The following THRB variants were observed in gnomAD, a reference collection of about 807,000 sequenced individuals.
THRB encodes thyroid hormone receptor beta.
Under a neutral mutation model 47.8 loss-of-function variants are expected in THRB, and 12 were observed. The ratio of observed to expected loss-of-function variants is 0.25; its 90% CI spans 0.16 to 0.41. The LOEUF is 0.41. Among genes scored for constraint, THRB ranks in the 10% least tolerant of loss-of-function variants. THRB has a pLI of 1.00. For synonymous variants in THRB, 218 were observed against 212.2 expected, an observed-to-expected ratio of 1.03 and a Z score of -0.24; for missense variants, 348 against 589.2, an observed-to-expected ratio of 0.59 and a Z score of 4.24.
At chr3:24,200,778 A>G (rs1157973970) in intron 4 of THRB, among the ~76,000 whole-genome samples, 1 of 152,250 alleles carries the variant, frequency 6.6e-6, no homozygotes, top group Non-Finnish European at 1.5e-5. Context: ...GAATAGAAGC[A>G]CTGCCACAGC....
At chr3:24,471,467 A>G (rs2074566211) in intron 1 of THRB, among the ~76,000 whole-genome samples, 1 of 152,214 alleles carries the variant, frequency 6.6e-6, no homozygotes, top group Admixed American at 6.5e-5. Flanking sequence ...TCCAACATAT[A>G]TCTAATGCAA....
At chr3:24,436,651 C>T (rs571508069) in intron 1 of THRB, among the ~76,000 whole-genome samples, 13 of 152,294 alleles carry the variant, frequency 8.5e-5, no homozygotes, top group South Asian at 2.1e-4. Context: ...CATTCTTGCA[C>T]TGCCCTTGAA....
intron 1 of THRB, among the ~76,000 whole-genome samples, chr3:24,400,891 A>C (rs1026417270): frequency 1.3e-5 from 2 of 152,072 alleles, no homozygotes; most frequent in Non-Finnish European, 2.9e-5. Context: ...CCACAACTTC[A>C]TGCTCTGTAA....
intron 1 of THRB, among the ~76,000 whole-genome samples, chr3:24,353,928 T>C (rs2063511979): frequency 6.6e-6 from 1 of 152,154 alleles, no homozygotes; most frequent in African/African-American, 2.4e-5. Context: ...AAGTACATCA[T>C]TTACAATATG....
intron 1 of THRB, among the ~76,000 whole-genome samples, chr3:24,420,354 G>A (rs951406199): frequency 5.3e-5 from 8 of 151,804 alleles, no homozygotes; most frequent in African/African-American, 7.3e-5. Flanking sequence ...CAGCCCTGGC[G>A]GTGGGATTAT....
intron 3 of THRB, among the ~76,000 whole-genome samples, chr3:24,260,787 T>C (rs1194419623): frequency 6.6e-6 from 1 of 152,326 alleles, no homozygotes; most frequent in East Asian, 1.9e-4. Flanking sequence ...CCTATTTAAC[T>C]GAGAACACAG....
chr3:24,347,152 C>G (rs2149504111), intron 1 of THRB, among the ~76,000 whole-genome samples: 1 of 151,842 alleles, frequency 6.6e-6, no homozygotes, highest in Non-Finnish European at 1.5e-5. Flanking sequence ...ACCCATGGGT[C>G]AAAGATTAAG....
chr3:24,380,931 A>G (rs1418012473), intron 1 of THRB, among the ~76,000 whole-genome samples: 1 of 152,130 alleles, frequency 6.6e-6, no homozygotes, highest in Non-Finnish European at 1.5e-5. Context: ...CCTGGACAAC[A>G]TGGTGAAACC....
chr3:24,335,674 G>T (rs533980422), intron 2 of THRB, among the ~76,000 whole-genome samples: 4 of 152,142 alleles, frequency 2.6e-5, no homozygotes, highest in Admixed American at 2.6e-4. Context: ...TTCTCCCCAA[G>T]GTAATCACTA....
At chr3:24,479,073 A>C (rs1025128945) in intron 1 of THRB, among the ~76,000 whole-genome samples, 2 of 152,034 alleles carry the variant, frequency 1.3e-5, no homozygotes, top group Non-Finnish European at 2.9e-5. Context: ...CCAAGGTGGG[A>C]GGATCACGAG....
At chr3:24,309,192 T>G (rs1030410211) in intron 2 of THRB, among the ~76,000 whole-genome samples, 1 of 152,220 alleles carries the variant, frequency 6.6e-6, no homozygotes, top group Non-Finnish European at 1.5e-5. Context: ...TATTATGATT[T>G]AAAATTCCAA....
chr3:24,149,956 TG>T (rs1234307989), intron 6 of THRB, among the ~76,000 whole-genome samples: 1 of 152,254 alleles, frequency 6.6e-6, no homozygotes, highest in Non-Finnish European at 1.5e-5. Flanking sequence ...CATGTTTCTT[TG>T]TATTCTGAGA....
At chr3:24,272,154 C>A (rs2053402800) in intron 3 of THRB, among the ~76,000 whole-genome samples, 1 of 152,094 alleles carries the variant, frequency 6.6e-6, no homozygotes, top group South Asian at 2.1e-4. Context: ...CCAGCCTGGG[C>A]AACACAGCGA....
chr3:24,164,680 T>A (rs554239057), intron 5 of THRB, among the ~76,000 whole-genome samples: 1 of 152,264 alleles, frequency 6.6e-6, no homozygotes, highest in East Asian at 1.9e-4. Context: ...GAGAGAATTA[T>A]CTCACTTCAA....
At chr3:24,465,021 C>A (rs1005300780) in intron 1 of THRB, among the ~76,000 whole-genome samples, 1 of 151,958 alleles carries the variant, frequency 6.6e-6, no homozygotes, top group African/African-American at 2.4e-5. Context: ...TTACAAAATT[C>A]TTCACTCACT....
intron 3 of THRB, among the ~76,000 whole-genome samples, chr3:24,243,146 T>C (rs1284661118): frequency 6.7e-6 from 1 of 149,912 alleles, no homozygotes; most frequent in Non-Finnish European, 1.5e-5. Context: ...AGCTCAGGCC[T>C]CAGTTTGTAA....
chr3:24,467,674 T>C (rs2074260713), intron 1 of THRB, among the ~76,000 whole-genome samples: 3 of 151,968 alleles, frequency 2.0e-5, no homozygotes, highest in Admixed American at 2.0e-4. Context: ...AAGGAATGTG[T>C]TTTTTCTGAG....
chr3:24,190,898 G>T (rs1271071867), intron 4 of THRB, among the ~76,000 whole-genome samples: 1 of 144,682 alleles, frequency 6.9e-6, no homozygotes, highest in Admixed American at 7.0e-5. Flanking sequence ...AAAAAAAAAA[G>T]AAGGGAATCT....
At chr3:24,157,706 T>C (rs2038075450) in intron 5 of THRB, among the ~76,000 whole-genome samples, 1 of 151,920 alleles carries the variant, frequency 6.6e-6, no homozygotes, top group African/African-American at 2.4e-5. Context: ...AATTTTGAAG[T>C]TGTTTCGTAG....
Sources: gnomAD v4.1 joint callset for allele counts (sites outside exome capture counted in the v4.1 genomes callset) on GRCh38, gnomAD v4.1.1 for gene constraint, MANE v1.5 for transcripts, NCBI Gene and HGNC (gene_info 2026-07-23, HGNC 2026-07-21) for gene names.